The following XKR7 variants were observed in gnomAD, a reference collection of about 807,000 sequenced individuals.
XKR7 encodes the protein XK related 7, also known as XK-related protein 7.
A neutral mutation model predicts 42.2 loss-of-function variants in XKR7; 11 were observed. That is an observed-to-expected ratio of 0.26 (90% CI 0.16 to 0.43). The LOEUF is 0.43. XKR7 is among the 20% of genes least tolerant of loss of function. XKR7 has a pLI of 1.00. For synonymous variants in XKR7, 346 were observed against 366.4 expected (o/e 0.94, Z 0.64); for missense variants, 710 against 802.2 (o/e 0.89, Z 1.39).
intron 1 of XKR7, among the ~76,000 whole-genome samples, chr20:31,994,768 G>C (rs958385216): frequency 6.6e-6 from 1 of 152,170 alleles, no homozygotes; most frequent in African/African-American, 2.4e-5. Flanking sequence ...ACTCCAAGGT[G>C]TCAGTAACCC....
In XKR7 at chr20:31,997,674, T is replaced by G; in HGVS notation, c.*217T>G. On this transcript the variant is annotated 3_prime_UTR_variant, in exon 3 of 3. Coordinates refer to ENST00000562532, the MANE Select transcript of XKR7 (RefSeq NM_001011718.2). The stretch of plus-strand genomic sequence containing the variant: ...TCAGCCTTGTGGCCCATTCCCTAAA[T>G]TCCCCTGACCCAGGGCCTGGGGAAT... The G allele has an allele frequency of 3.3e-5, 18 of 539,558 alleles. No individual in the cohort carries two copies. Among genetic ancestry groups the G allele is most frequent in the Non-Finnish European group, 4.3e-5 (13 of 304,878 alleles). The allele number at this position is 539,558 out of a possible 1,614,324, so 33.4% of individuals were successfully genotyped here. A position where few individuals can be genotyped will look rare whatever the true frequency, so the allele number is the denominator to read the frequency against.
chr20:31,983,445 A>T (rs1486439437), intron 1 of XKR7, among the ~76,000 whole-genome samples: 2 of 152,174 alleles, frequency 1.3e-5, no homozygotes, highest in Non-Finnish European at 2.9e-5. Context: ...TGAAGAGGTG[A>T]CATTGAGCTG....
In XKR7 at chr20:31,999,663, C is replaced by T. The variant is rs376178391; in HGVS notation, c.*2206C>T. 1.3e-5 allele frequency: 2 copies of T among 152,252 alleles called. No homozygotes were observed. Among genetic ancestry groups the T allele is most frequent in the South Asian group, 2.1e-4 (1 of 4,816 alleles). The allele number at this position is 152,252 out of a possible 1,614,324, so 9.4% of individuals were successfully genotyped here. ...CCAGACCCAGAAACAGACTGTTTCT[C>T]CAGGGCCAACTTTGTGCCAGGAATT... is the stretch of plus-strand genomic sequence containing the variant. On this transcript the variant is annotated 3_prime_UTR_variant, in exon 3 of 3. Coordinates refer to ENST00000562532, the MANE Select transcript of XKR7 (RefSeq NM_001011718.2).
Position 31,995,349 on chromosome 20 carries a change from C to T in XKR7, c.787+79C>T. ...CCCTGCTTCAGGCTCCCTGGGGATG[C>T]CCTGTGGGCTTCCCCACCCCAGCTC... is the stretch of plus-strand genomic sequence containing the variant. On this transcript the variant is annotated intron_variant, in intron 2 of 2. Transcript: ENST00000562532. This position sits in a 1 kb window ranked among gnomAD's most constrained non-coding sequence, Gnocchi z 4.1. 1 of 1,522,826 alleles carries T rather than the reference C, an allele frequency of 6.6e-7. No homozygotes were observed. The highest frequency in any genetic ancestry group is 1.4e-5 in the African/African-American group (1 of 72,000). The allele number at this position is 1,522,826 out of a possible 1,614,324, so 94.3% of individuals were successfully genotyped here. A position where few individuals can be genotyped will look rare whatever the true frequency, so the allele number is the denominator to read the frequency against.
In XKR7 at chr20:31,995,092, G is replaced by T; in HGVS notation, c.609G>T (p.Gly203=). 3 of 1,553,304 alleles carry T rather than the reference G, an allele frequency of 1.9e-6. No individual in the cohort carries two copies. The highest frequency in any genetic ancestry group is 1.2e-5 in the South Asian group (1 of 84,504). ...VWRYLRALYL[G]LQSRWRGERL... ...GGTACCTGCGCGCCCTGTACCTGGG[G>T]CTGCAGAGCCGCTGGCGCGGGGAGC... The change falls in exon 2 of 3, where the codon GGG becomes GGT. Residue 203 remains glycine (G), a synonymous_variant. Transcript: ENST00000562532. The surrounding 1 kb of genome is among the most constrained non-coding windows in gnomAD (Gnocchi z 4.1).
At chr20:31,983,939 C>T (rs903269459) in intron 1 of XKR7, among the ~76,000 whole-genome samples, 12 of 133,048 alleles carry the variant, frequency 9.0e-5, no homozygotes, top group East Asian at 6.1e-4. Flanking sequence ...CAGAGCAAGA[C>T]TCTGTCTCAA....
intron 1 of XKR7, among the ~76,000 whole-genome samples, chr20:31,994,411 C>T (rs916159050): frequency 2.0e-5 from 3 of 152,144 alleles, no homozygotes; most frequent in African/African-American, 7.2e-5. Flanking sequence ...TCAGTTTGCT[C>T]ACCTACAAAA....
rs753375658 is a variant in XKR7, at chr20:31,995,158, C to A, written c.675C>A (p.Ser225Arg). Reference sequence around the variant, plus strand: ...TCTACTGGCAGATGCTGTTCGAGAGCGCCGACGTGAGCATGCTGCGCTTGC... The same window carrying A: ...TCTACTGGCAGATGCTGTTCGAGAGAGCCGACGTGAGCATGCTGCGCTTGC... ...RHFYWQMLFE[S>R]ADVSMLRLLE... Residue 225 changes from serine to arginine, a missense_variant, in exon 2 of 3, where the codon AGC becomes AGA. This residue lies in a region of XKR7 where 708 missense variants were observed against 786.2 expected (regional missense o/e 0.90). Transcript: ENST00000562532. This position sits in a 1 kb window ranked among gnomAD's most constrained non-coding sequence, Gnocchi z 4.1. 2 of 1,554,558 alleles carry A rather than the reference C, an allele frequency of 1.3e-6. No individual in the cohort carries two copies. The highest frequency in any genetic ancestry group is 1.4e-5 in the African/African-American group (1 of 73,526).
chr20:31,970,804 A>G (rs2064461927), intron 1 of XKR7: 1 of 152,228 alleles, frequency 6.6e-6, no homozygotes, highest in Admixed American at 6.5e-5. Flanking sequence ...CAATTATTTT[A>G]TTAAACACTG....
intron 1 of XKR7, among the ~76,000 whole-genome samples, chr20:31,992,917 A>C (rs1272684906): frequency 1.3e-5 from 2 of 152,274 alleles, no homozygotes; most frequent in East Asian, 3.9e-4. Flanking sequence ...CCCCACATCC[A>C]GGGAGAACTG....
intron 1 of XKR7, among the ~76,000 whole-genome samples, chr20:31,993,230 C>T (rs1198725801): frequency 1.3e-5 from 2 of 151,870 alleles, no homozygotes; most frequent in Non-Finnish European, 2.9e-5. Flanking sequence ...TTTGGGGAGC[C>T]GGCGGGAGTA....
chr20:31,979,095 A>G (rs1006735250), intron 1 of XKR7, among the ~76,000 whole-genome samples: 3 of 151,542 alleles, frequency 2.0e-5, no homozygotes, highest in Non-Finnish European at 4.4e-5. Flanking sequence ...AGATCACACC[A>G]CTGTACTCCA....
chr20:31,993,229 C>T (rs2064577565), intron 1 of XKR7, among the ~76,000 whole-genome samples: 2 of 151,856 alleles, frequency 1.3e-5, no homozygotes, highest in South Asian at 4.2e-4. Flanking sequence ...GTTTGGGGAG[C>T]CGGCGGGAGT....
At chr20:31,980,041 A>G (rs1354561616) in intron 1 of XKR7, among the ~76,000 whole-genome samples, 1 of 146,714 alleles carries the variant, frequency 6.8e-6, no homozygotes, top group African/African-American at 2.5e-5. Flanking sequence ...GCTGGCTGGG[A>G]GCTGATGAGG....
intron 1 of XKR7, among the ~76,000 whole-genome samples, chr20:31,988,871 C>T (rs1315783531): frequency 6.6e-6 from 1 of 152,050 alleles, no homozygotes; most frequent in Admixed American, 6.5e-5. Flanking sequence ...AGAGAAACCC[C>T]AGAGCCCTGT....
rs1161233696 is a variant in XKR7, at chr20:31,997,087, A to T, written c.1370A>T (p.Lys457Met). The T allele has an allele frequency of 6.2e-7, 1 of 1,613,574 alleles. No homozygotes were observed. Among genetic ancestry groups the T allele is most frequent in the Non-Finnish European group, 8.5e-7 (1 of 1,180,010 alleles). The change falls in exon 3 of 3, where the codon AAG becomes ATG. Residue 457 changes from lysine to methionine, a missense_variant. Lys to Met is a moderately conservative substitution (Grantham distance 95). Transcript: ENST00000562532. ...GPQAPGCIFR[K>M]ASEPCGPPAD... ...CAGGCACCTGGTTGCATCTTCCGTA[A>T]GGCCTCAGAGCCCTGTGGCCCACCC...
In XKR7 at chr20:31,997,341, C is replaced by T. The variant is rs1264709223; in HGVS notation, c.1624C>T (p.Arg542Cys). 4.4e-6 allele frequency: 7 copies of T among 1,606,940 alleles called. No individual in the cohort carries two copies. The highest frequency in any genetic ancestry group is 2.5e-6 in the Non-Finnish European group (3 of 1,179,996). ...GGCCTGGGATGCTCATTTTATTGAC[C>T]GCCGGCTCCGGAAGACCATCCTGGC... ...YPAWDAHFID[R>C]RLRKTILALE... is the part of the protein sequence containing the mutation. The change falls in exon 3 of 3, where the codon CGC becomes TGC. Residue 542 changes from arginine to cysteine, a missense_variant. By Grantham distance (180) the Arg-to-Cys change is radical. This residue lies in a region of XKR7 where 708 missense variants were observed against 786.2 expected (regional missense o/e 0.90). Transcript: ENST00000562532.
intron 1 of XKR7, among the ~76,000 whole-genome samples, chr20:31,978,368 C>T (rs1402151942): frequency 6.6e-6 from 1 of 152,208 alleles, no homozygotes; most frequent in Non-Finnish European, 1.5e-5. Context: ...CCTTGGCCTC[C>T]CAAAGTGCTG....
intron 1 of XKR7, among the ~76,000 whole-genome samples, chr20:31,993,490 T>G (rs2064578497): frequency 6.6e-6 from 1 of 152,224 alleles, no homozygotes; most frequent in Non-Finnish European, 1.5e-5. Flanking sequence ...AGAAGCAAAG[T>G]GGGATTGATC....
Sources: gnomAD v4.1 joint callset for allele counts (sites outside exome capture counted in the v4.1 genomes callset) on GRCh38, gnomAD v4.1.1 for gene constraint, gnomAD v4.1.1 regional missense constraint, Gnocchi (gnomAD v3.1) non-coding constraint, MANE v1.5 for transcripts, NCBI Gene and HGNC (gene_info 2026-07-23, HGNC 2026-07-21) for gene names.